The following SGCZ variants were observed in gnomAD, a reference collection of about 807,000 sequenced individuals.
SGCZ encodes the protein zeta-sarcoglycan.
In SGCZ, 40 loss-of-function variants were observed where a neutral mutation model predicts 41.3. That is an observed-to-expected ratio of 0.97 (90% CI 0.75 to 1.26). SGCZ has a LOEUF of 1.26. Among genes scored for constraint, SGCZ ranks in the 50% most tolerant of loss-of-function variants. SGCZ has a pLI of 0.00. For missense variants in SGCZ, 552 were observed against 369.8 expected (o/e 1.49, Z -4.04); for synonymous variants, 206 against 137.5 (o/e 1.50, Z -3.49).
intron 2 of SGCZ, among the ~76,000 whole-genome samples, chr8:14,452,401 G>T (rs1286962637): frequency 4.6e-5 from 7 of 151,958 alleles, no homozygotes; most frequent in African/African-American, 1.5e-4. Flanking sequence ...TGATATACTT[G>T]TCCTAACTCA....
chr8:14,918,176 C>G (rs1403197047), intron 1 of SGCZ, among the ~76,000 whole-genome samples: 1 of 152,086 alleles, frequency 6.6e-6, no homozygotes, highest in Non-Finnish European at 1.5e-5. Context: ...TCTCCATTTT[C>G]TTTAGTCATC....
chr8:14,296,971 G>A (rs1298147460), intron 3 of SGCZ, among the ~76,000 whole-genome samples: 1 of 151,944 alleles, frequency 6.6e-6, no homozygotes, highest in African/African-American at 2.4e-5. Context: ...GCCCAAGCTG[G>A]AATGCAATGG....
intron 5 of SGCZ, among the ~76,000 whole-genome samples, chr8:14,142,933 G>A (rs990179756): frequency 2.6e-5 from 4 of 151,012 alleles, no homozygotes; most frequent in Non-Finnish European, 5.9e-5. Context: ...CCTAGAAGCA[G>A]AAGCCAGTAT....
chr8:14,941,336 C>T (rs1413478232), intron 1 of SGCZ, among the ~76,000 whole-genome samples: 2 of 152,046 alleles, frequency 1.3e-5, no homozygotes, highest in African/African-American at 4.8e-5. Flanking sequence ...GTGGCAAAAA[C>T]CAAAATGCAG....
intron 1 of SGCZ, among the ~76,000 whole-genome samples, chr8:15,234,775 G>T (rs2117216413): frequency 6.6e-6 from 1 of 152,160 alleles, no homozygotes; most frequent in East Asian, 1.9e-4. Flanking sequence ...TAAAAAAATT[G>T]TTGTTAAAAT....
chr8:14,855,833 C>T lies in SGCZ; in HGVS notation c.40-300907G>A, dbSNP rs535165937. On this transcript the variant is annotated intron_variant, in intron 1 of 7. Coordinates refer to ENST00000382080, the MANE Select transcript of SGCZ (RefSeq NM_139167.4). ...ATGGTTTTTGCCAGCATGTAATTCA[C>T]TTGATAGAATTCTAAGGCTTTCACT... Among the ~76,000 whole-genome samples, 32 of 152,208 alleles carry T rather than the reference C, an allele frequency of 2.1e-4. No individual in the cohort carries two copies. The South Asian group carries it at 6.6e-3, about 32-fold the overall frequency.
chr8:15,029,048 T>C (rs528074718), intron 1 of SGCZ, among the ~76,000 whole-genome samples: 5 of 152,186 alleles, frequency 3.3e-5, no homozygotes, highest in African/African-American at 1.2e-4. Flanking sequence ...CAATGCCTAA[T>C]TGAAGATGAT....
At chr8:14,127,897 T>C (rs965680013) in intron 5 of SGCZ, among the ~76,000 whole-genome samples, 6 of 152,184 alleles carry the variant, frequency 3.9e-5, no homozygotes, top group African/African-American at 1.4e-4. Flanking sequence ...ATAATTATCT[T>C]TTCTGCTCTG....
At chr8:15,187,498 C>G (rs913085065) in intron 1 of SGCZ, among the ~76,000 whole-genome samples, 1 of 151,994 alleles carries the variant, frequency 6.6e-6, no homozygotes. Flanking sequence ...TTTAGGATAT[C>G]TCATTTTTAG....
chr8:14,323,255 C>T (rs1585362649), intron 3 of SGCZ, among the ~76,000 whole-genome samples: 1 of 152,022 alleles, frequency 6.6e-6, no homozygotes, highest in Non-Finnish European at 1.5e-5. Context: ...CACTATGCAA[C>T]CCATTTGCTA....
chr8:14,928,409 T>A (rs1476692123), intron 1 of SGCZ, among the ~76,000 whole-genome samples: 1 of 152,186 alleles, frequency 6.6e-6, no homozygotes, highest in Non-Finnish European at 1.5e-5. Flanking sequence ...ACTAACTGAA[T>A]AATGATATGG....
chr8:15,172,619 G>A (rs1056903757), intron 1 of SGCZ, among the ~76,000 whole-genome samples: 16 of 151,938 alleles, frequency 1.1e-4, no homozygotes, highest in African/African-American at 9.7e-5. Flanking sequence ...TTGTATTAAC[G>A]AAATACCAAA....
chr8:14,157,669 T>C (rs1006297528), intron 5 of SGCZ, among the ~76,000 whole-genome samples: 3 of 152,028 alleles, frequency 2.0e-5, no homozygotes, highest in Non-Finnish European at 4.4e-5. Flanking sequence ...GTATATTCAC[T>C]ATAAGAAATA....
chr8:14,300,032 T>C (rs1250724929), intron 3 of SGCZ, among the ~76,000 whole-genome samples: 1 of 151,950 alleles, frequency 6.6e-6, no homozygotes, highest in Non-Finnish European at 1.5e-5. Flanking sequence ...AAAATTGATC[T>C]ATGGTTTTGT....
At chr8:15,169,412 C>G (rs1162357828) in intron 1 of SGCZ, among the ~76,000 whole-genome samples, 1 of 152,158 alleles carries the variant, frequency 6.6e-6, no homozygotes, top group Admixed American at 6.5e-5. Flanking sequence ...GTAGGAAACT[C>G]TCTAGCAGGG....
chr8:14,886,725 T>A (rs1804820544), intron 1 of SGCZ, among the ~76,000 whole-genome samples: 1 of 152,302 alleles, frequency 6.6e-6, no homozygotes, highest in Admixed American at 6.5e-5. Flanking sequence ...GCTTGGCTTG[T>A]TCTACTCTAA....
At chr8:14,852,114 A>AT (rs1227923040) in intron 1 of SGCZ, among the ~76,000 whole-genome samples, 1 of 152,072 alleles carries the variant, frequency 6.6e-6, no homozygotes, top group African/African-American at 2.4e-5. Context: ...TCAAATTATT[A>AT]TTTTTTTAAA....
chr8:15,031,275 G>C (rs1161778123), intron 1 of SGCZ, among the ~76,000 whole-genome samples: 1 of 152,070 alleles, frequency 6.6e-6, no homozygotes, highest in Admixed American at 6.5e-5. Context: ...CTTAGTTATG[G>C]GTTGAAGCAT....
At chr8:14,363,148 T>C (rs1803586963) in intron 2 of SGCZ, among the ~76,000 whole-genome samples, 1 of 152,100 alleles carries the variant, frequency 6.6e-6, no homozygotes, top group African/African-American at 2.4e-5. Context: ...TCTACTTCCA[T>C]AAAAACTAAA....
Sources: allele counts gnomAD v4.1 joint callset (sites outside exome capture counted in the v4.1 genomes callset), GRCh38; gene constraint gnomAD v4.1.1; transcripts MANE v1.5; gene names NCBI Gene and HGNC (gene_info 2026-07-23, HGNC 2026-07-21).